Variants in MLLT3 observed in about 807,000 individuals in gnomAD.
MLLT3 encodes protein AF-9.
In MLLT3, 4 loss-of-function variants were observed where a neutral mutation model predicts 53.2. The ratio of observed to expected loss-of-function variants is 0.08; its 90% CI spans 0.04 to 0.17. The LOEUF (loss-of-function observed/expected upper bound fraction) is 0.17, where lower values mean the gene tolerates loss of function less well. MLLT3 is among the 10% of genes least tolerant of loss of function. The pLI is 1.00. For missense variants in MLLT3, 569 were observed against 684.0 expected, an observed-to-expected ratio of 0.83 and a Z score of 1.87; for synonymous variants, 283 against 230.6, an observed-to-expected ratio of 1.23 and a Z score of -2.06.
Position 20,622,452 on chromosome 9 carries a change from A to G in MLLT3, c.-196T>C. The G allele has an allele frequency of 5.6e-6, 3 of 539,462 alleles. No homozygotes were observed. The highest frequency in any genetic ancestry group is 9.9e-6 in the Non-Finnish European group (3 of 303,868). 33.4% of individuals were successfully genotyped at this position (539,462 alleles called of 1,614,324 possible). A position where few individuals can be genotyped will look rare whatever the true frequency, so the allele number is the denominator to read the frequency against. On this transcript the variant is annotated 5_prime_UTR_variant, in exon 1 of 11. Coordinates refer to ENST00000380338, the MANE Select transcript of MLLT3 (RefSeq NM_004529.4). ...CTCGCTTATTAAACTCAGCCCCAAA[A>G]GCAAAAGCAGCAGCAGCAGCAGCAG...
At chr9:20,566,028 TTATA>T (rs1406823526) in intron 2 of MLLT3, among the ~76,000 whole-genome samples, 1 of 127,454 alleles carries the variant, frequency 7.8e-6, no homozygotes, top group African/African-American at 2.8e-5. Context: ...ATATATTTAT[TTATA>T]TTTATTTATT....
intron 6 of MLLT3, among the ~76,000 whole-genome samples, chr9:20,364,750 A>G (rs967460083): frequency 6.6e-6 from 1 of 152,208 alleles, no homozygotes; most frequent in African/African-American, 2.4e-5. Context: ...AAAACATTCA[A>G]AGCCATCAGG....
chr9:20,616,278 A>G (rs1313437936), intron 2 of MLLT3, among the ~76,000 whole-genome samples: 1 of 152,194 alleles, frequency 6.6e-6, no homozygotes, highest in Non-Finnish European at 1.5e-5. Context: ...TTTGAATACA[A>G]GTCTGTAATT....
At chr9:20,618,596 T>C (rs181885923) in intron 2 of MLLT3, among the ~76,000 whole-genome samples, 2 of 152,012 alleles carry the variant, frequency 1.3e-5, no homozygotes, top group Admixed American at 1.3e-4. Flanking sequence ...ACCTCCACAG[T>C]TGAGTATAAA....
chr9:20,375,363 T>A (rs1821733424), intron 5 of MLLT3, among the ~76,000 whole-genome samples: 1 of 152,222 alleles, frequency 6.6e-6, no homozygotes, highest in Admixed American at 6.5e-5. Context: ...CTGAACATAC[T>A]AACACCCTTT....
At chr9:20,558,942 C>G (rs1032609743) in intron 2 of MLLT3, among the ~76,000 whole-genome samples, 5 of 152,128 alleles carry the variant, frequency 3.3e-5, no homozygotes, top group African/African-American at 1.2e-4. Flanking sequence ...TAGTCACAGT[C>G]CTGGTGAAGG....
intron 2 of MLLT3, among the ~76,000 whole-genome samples, chr9:20,613,482 C>T (rs932897644): frequency 6.6e-6 from 1 of 152,084 alleles, no homozygotes; most frequent in Non-Finnish European, 1.5e-5. Flanking sequence ...AGTTAATTCT[C>T]CAGAATCCAA....
At chr9:20,586,828 A>G (rs1157683404) in intron 2 of MLLT3, among the ~76,000 whole-genome samples, 2 of 152,162 alleles carry the variant, frequency 1.3e-5, no homozygotes, top group African/African-American at 4.8e-5. Flanking sequence ...TTGGGAGGAG[A>G]AAAAAGAGCA....
intron 2 of MLLT3, among the ~76,000 whole-genome samples, chr9:20,585,457 C>T (rs891273911): frequency 2.7e-4 from 41 of 152,150 alleles, no homozygotes; most frequent in Non-Finnish European, 2.9e-4. Context: ...CAGTCCACAA[C>T]GTACAGTAAT....
Position 20,357,360 on chromosome 9 carries a change from G to A in MLLT3, c.1432-2481C>T, listed in dbSNP as rs144746620. On this transcript the variant is annotated intron_variant, in intron 8 of 10. Transcript: ENST00000380338. ...AAAAACCATCTCTGGTTGAAATGAC[G>A]CAACACTCTTTATTATTACCTATTA... 7.0e-4 allele frequency among the ~76,000 whole-genome samples: 106 copies of A among 152,238 alleles called. 1 individual carries two copies. Among genetic ancestry groups the A allele is most frequent in the African/African-American group, 2.5e-3 (102 of 41,532 alleles).
chr9:20,500,545 C>T (rs149963228), intron 2 of MLLT3, among the ~76,000 whole-genome samples: 15 of 152,262 alleles, frequency 9.9e-5, no homozygotes, highest in African/African-American at 3.6e-4. Flanking sequence ...GATAACTTTA[C>T]GGAAATCTTT....
intron 5 of MLLT3, among the ~76,000 whole-genome samples, chr9:20,378,986 C>A (rs530422986): frequency 1.3e-5 from 2 of 152,184 alleles, no homozygotes; most frequent in South Asian, 4.1e-4. Flanking sequence ...TCTAAAGGAA[C>A]CTGCATTTCC....
At chr9:20,510,655 G>T (rs1426406646) in intron 2 of MLLT3, among the ~76,000 whole-genome samples, 1 of 151,288 alleles carries the variant, frequency 6.6e-6, no homozygotes, top group Non-Finnish European at 1.5e-5. Context: ...CAAAAACTTG[G>T]TGATTGTTAA....
Position 20,621,107 on chromosome 9 carries a change from G to C in MLLT3, c.13-273C>G, listed in dbSNP as rs1433603216. The C allele has an allele frequency of 8.6e-6, 5 of 583,324 alleles. No homozygotes were observed. The highest frequency in any genetic ancestry group is 1.9e-5 in the African/African-American group (1 of 53,614). 36.1% of individuals were successfully genotyped at this position (583,324 alleles called of 1,614,324 possible). A position where few individuals can be genotyped will look rare whatever the true frequency, so the allele number is the denominator to read the frequency against. Reference sequence around the variant, plus strand: ...GAATGTTATCCCCAGTCGGGAAGGGGGTCGGGGAAAAGAGGGAGAACACAC... The same window carrying C: ...GAATGTTATCCCCAGTCGGGAAGGGCGTCGGGGAAAAGAGGGAGAACACAC... On this transcript the variant is annotated intron_variant, in intron 1 of 10. Coordinates refer to ENST00000380338, the MANE Select transcript of MLLT3 (RefSeq NM_004529.4). This position sits in a 1 kb window ranked among gnomAD's most constrained non-coding sequence, Gnocchi z 7.0.
chr9:20,453,857 T>C (rs1823897328), intron 3 of MLLT3, among the ~76,000 whole-genome samples: 1 of 152,222 alleles, frequency 6.6e-6, no homozygotes, highest in Admixed American at 6.5e-5. Flanking sequence ...TTAATCCACA[T>C]CTCTACATAG....
intron 2 of MLLT3, among the ~76,000 whole-genome samples, chr9:20,540,717 G>A (rs1818608947): frequency 6.6e-6 from 1 of 152,202 alleles, no homozygotes. Flanking sequence ...TACTGTGAAG[G>A]TCTCTGATAT....
intron 2 of MLLT3, among the ~76,000 whole-genome samples, chr9:20,506,398 G>A (rs2118952017): frequency 6.6e-6 from 1 of 152,238 alleles, no homozygotes; most frequent in South Asian, 2.1e-4. Flanking sequence ...TTAGACTGCT[G>A]GCTCTCCCTT....
intron 2 of MLLT3, among the ~76,000 whole-genome samples, chr9:20,491,175 A>T (rs1824938281): frequency 6.6e-6 from 1 of 152,152 alleles, no homozygotes; most frequent in South Asian, 2.1e-4. Context: ...AACCTATGTA[A>T]CTATGTACTT....
At chr9:20,618,776 T>C (rs1245790320) in intron 2 of MLLT3, among the ~76,000 whole-genome samples, 1 of 151,932 alleles carries the variant, frequency 6.6e-6, no homozygotes, top group African/African-American at 2.4e-5. Context: ...GTATAGGAAA[T>C]AAAAATAACA....
Sources: allele counts gnomAD v4.1 joint callset (sites outside exome capture counted in the v4.1 genomes callset), GRCh38; gene constraint gnomAD v4.1.1; non-coding constraint Gnocchi (gnomAD v3.1); transcripts MANE v1.5; gene names NCBI Gene and HGNC (gene_info 2026-07-23, HGNC 2026-07-21).